Variants in VWA3A observed in about 807,000 individuals in gnomAD.
VWA3A encodes the protein von Willebrand factor A domain-containing protein 3A.
VWA3A carries 134 observed loss-of-function variants against 160.4 expected under a neutral mutation model. The ratio of observed to expected loss-of-function variants is 0.84; its 90% CI spans 0.73 to 0.96. The LOEUF (loss-of-function observed/expected upper bound fraction) is 0.96, where lower values mean the gene tolerates loss of function less well. Ranked by LOEUF, VWA3A falls within the 40% of genes least tolerant of loss-of-function variation. VWA3A has a pLI of 0.00. For synonymous variants in VWA3A, 476 were observed against 543.4 expected (o/e 0.88, Z 1.72); for missense variants, 1,310 against 1,447.9 (o/e 0.90, Z 1.55).
At chr16:22,131,067 C>G (rs1598083537) in intron 17 of VWA3A, 138 bp from the exon 18 acceptor site, 1 of 748,050 alleles carries the variant, frequency 1.3e-6, no homozygotes, top group Non-Finnish European at 2.3e-6. Flanking sequence ...TCATGGCTGG[C>G]CCAGGCCAGT....
chr16:22,152,455 C>T, intron 30 of VWA3A, 56 bp from the exon 31 acceptor site: 2 of 1,598,230 alleles, frequency 1.3e-6, no homozygotes, highest in Admixed American at 3.5e-5. Flanking sequence ...TGGGGAGTCA[C>T]ACGAACTTGC....
chr16:22,110,415 AG>A (rs1238969757), intron 7 of VWA3A, among the ~76,000 whole-genome samples: 5 of 152,290 alleles, frequency 3.3e-5, no homozygotes, highest in African/African-American at 1.2e-4. Flanking sequence ...AGTGGATGTC[AG>A]GGGACAGGTG....
intron 27 of VWA3A, among the ~76,000 whole-genome samples, 178 bp downstream of exon 27, chr16:22,146,522 C>T (rs1189748694): frequency 6.6e-6 from 1 of 152,070 alleles, no homozygotes. Context: ...CGTGGTGGCT[C>T]ATGCCTGTAA....
intron 4 of VWA3A, 28 bp from the exon 5 acceptor site, chr16:22,100,388 A>T: frequency 6.4e-7 from 1 of 1,551,556 alleles, no homozygotes; most frequent in African/African-American, 1.4e-5. Flanking sequence ...GGCCCGAGAG[A>T]TCCCCTCATA....
intron 9 of VWA3A, chr16:22,116,302 A>G (rs755695726): frequency 4.6e-6 from 2 of 430,398 alleles, no homozygotes; most frequent in South Asian, 3.5e-5. Flanking sequence ...GAAGGAAGAG[A>G]GAAAAAAGAG....
chr16:22,119,318 C>T (rs982744159), intron 12 of VWA3A, among the ~76,000 whole-genome samples: 1 of 152,202 alleles, frequency 6.6e-6, no homozygotes, highest in African/African-American at 2.4e-5. Flanking sequence ...CTGTCCCCTC[C>T]CTTACCCCCA....
chr16:22,139,321 C>G (rs538167332), intron 22 of VWA3A, among the ~76,000 whole-genome samples: 1 of 152,104 alleles, frequency 6.6e-6, no homozygotes, highest in East Asian at 1.9e-4. Flanking sequence ...GAAACCAGGC[C>G]GGGTGCTCCC....
In VWA3A at chr16:22,138,521, C is replaced by G. The variant is rs766420942; in HGVS notation, c.2292+9C>G. The G allele has an allele frequency of 6.2e-7, 1 of 1,613,678 alleles. No individual in the cohort carries two copies. The highest frequency in any genetic ancestry group is 1.7e-5 in the Admixed American group (1 of 59,972). On this transcript the variant is annotated intron_variant, in intron 22 of 33. Transcript: ENST00000389398. ...CCCTGGGGGCCAGAATGGTTTGACT[C>G]CCCTCCTAATAACACGCAGAAGATT... is the stretch of plus-strand genomic sequence containing the variant.
chr16:22,147,613 A>T, intron 27 of VWA3A: 1 of 703,276 alleles, frequency 1.4e-6, no homozygotes, highest in Admixed American at 2.0e-5. Flanking sequence ...CAGTCCATGG[A>T]CAGGGGCGTC....
At chr16:22,144,724 C>T (rs907013678) in intron 26 of VWA3A, among the ~76,000 whole-genome samples, 2 of 151,862 alleles carry the variant, frequency 1.3e-5, no homozygotes, top group Non-Finnish European at 2.9e-5. Context: ...TTGAGACCAG[C>T]CTGGGCAACA....
intron 6 of VWA3A, among the ~76,000 whole-genome samples, chr16:22,108,894 CTG>C (rs1191116247): frequency 1.3e-5 from 2 of 152,142 alleles, no homozygotes; most frequent in African/African-American, 4.8e-5. Context: ...GGAGTAATAA[CTG>C]TAGAGTAATA....
At chr16:22,123,787 T>C in intron 16 of VWA3A, 80 bp downstream of exon 16, 1 of 1,341,474 alleles carries the variant, frequency 7.5e-7, no homozygotes, top group South Asian at 1.3e-5. Context: ...GAATTCCCTG[T>C]TGGTAGCATC....
chr16:22,112,230 G>A (rs751597026), intron 8 of VWA3A, among the ~76,000 whole-genome samples: 6 of 152,132 alleles, frequency 3.9e-5, no homozygotes, highest in Non-Finnish European at 7.4e-5. Flanking sequence ...TTCCGTGAAG[G>A]GAATGTCCTC....
At position 22,129,402 on chromosome 16, in the gene VWA3A, A is replaced by AGAAAGAAAGAAAGAAAG. The variant is rs386364808; in HGVS notation, c.1653-1803_1653-1802insGAAAGAAAGAAAGAAAG. On this transcript the variant is annotated intron_variant, in intron 17 of 33. Coordinates refer to ENST00000389398, the MANE Select transcript of VWA3A (RefSeq NM_173615.5). ...AGACTCCATCTCAAAAAAAAAAAAAAAAAGAAAGAAAGAAAGAAAGAAAGA... is the reference window on the plus strand; with the variant it reads ...AGACTCCATCTCAAAAAAAAAAAAAAGAAAGAAAGAAAGAAAGAAAGAAAGAAAGAAAGAAAGAAAGA... 1.6e-3 allele frequency among the ~76,000 whole-genome samples: 190 copies of AGAAAGAAAGAAAGAAAG among 118,934 alleles called. 1 individual carries two copies. Among genetic ancestry groups the AGAAAGAAAGAAAGAAAG allele is most frequent in the Middle Eastern group, 4.6e-3 (1 of 216 alleles). 78.0% of individuals were successfully genotyped at this position (118,934 alleles called of 152,430 possible). A position where few individuals can be genotyped will look rare whatever the true frequency, so the allele number is the denominator to read the frequency against.
In VWA3A at chr16:22,115,402, C is replaced by T; in HGVS notation, c.745C>T (p.Leu249=). The stretch of plus-strand genomic sequence containing the variant: ...GCTGCAGCCTGATGGAGGCAGCAAC[C>T]TGCTACAAGCTCTGAAGAAGATCTT... ...KTLQPDGGSN[L]LQALKKIFTL... is the part of the protein sequence containing the mutation. Residue 249 remains leucine (L), a synonymous_variant, in exon 9 of 34, where the codon CTG becomes TTG. Transcript: ENST00000389398. 1.9e-6 allele frequency: 3 copies of T among 1,603,102 alleles called. No homozygotes were observed. The highest frequency in any genetic ancestry group is 1.7e-6 in the Non-Finnish European group (2 of 1,174,900).
chr16:22,110,941 T>C lies in VWA3A; in HGVS notation c.636T>C (p.Phe212=). 6.2e-7 allele frequency: 1 copy of C among 1,610,688 alleles called. No homozygotes were observed. Among genetic ancestry groups the C allele is most frequent in the Non-Finnish European group, 8.5e-7 (1 of 1,178,622 alleles). ...AGGAGAAGCTGTTTGTCCTGTCCTT[T>C]GGCACCAATGCCGGGTCCCTCTGGC... ...SHKEKLFVLS[F]GTNAGSLWPD... The change falls in exon 8 of 34, where the codon TTT becomes TTC. Residue 212 remains phenylalanine (F), a synonymous_variant. Coordinates refer to ENST00000389398, the MANE Select transcript of VWA3A (RefSeq NM_173615.5).
At chr16:22,109,696 G>A in intron 7 of VWA3A, 116 bp downstream of exon 7, 1 of 845,130 alleles carries the variant, frequency 1.2e-6, no homozygotes, top group African/African-American at 1.7e-5. Context: ...GTCTTATAAA[G>A]AACAGTTCAC....
At chr16:22,124,216 A>G (rs1163333330) in intron 16 of VWA3A, among the ~76,000 whole-genome samples, 1 of 138,288 alleles carries the variant, frequency 7.2e-6, no homozygotes, top group Non-Finnish European at 1.6e-5. Flanking sequence ...AAAAAATCAC[A>G]CCTCCTCCCT....
intron 21 of VWA3A, among the ~76,000 whole-genome samples, 191 bp from the exon 22 acceptor site, chr16:22,138,169 T>C (rs2046077952): frequency 6.6e-6 from 1 of 151,644 alleles, no homozygotes; most frequent in Non-Finnish European, 1.5e-5. Context: ...CAGGCCCCCA[T>C]ACCTGGTCTT....
Sources: allele counts gnomAD v4.1 joint callset (sites outside exome capture counted in the v4.1 genomes callset), GRCh38; gene constraint gnomAD v4.1.1; transcripts MANE v1.5; gene names NCBI Gene and HGNC (gene_info 2026-07-23, HGNC 2026-07-21).